Variants in PDSS2 observed in about 807,000 individuals in gnomAD.
PDSS2 encodes decaprenyl diphosphate synthase subunit 2.
In PDSS2, 31 loss-of-function variants were observed where a neutral mutation model predicts 44.5. The ratio of observed to expected loss-of-function variants is 0.70; its 90% CI spans 0.52 to 0.94. The LOEUF (loss-of-function observed/expected upper bound fraction) is 0.94. Ranked by LOEUF, PDSS2 falls within the 40% of genes least tolerant of loss-of-function variation. The pLI, the probability that PDSS2 is intolerant of heterozygous loss-of-function variation, is 0.00. For missense variants in PDSS2, 452 were observed against 482.2 expected (o/e 0.94, Z 0.59); for synonymous variants, 157 against 180.3 (o/e 0.87, Z 1.03).
intron 3 of PDSS2, among the ~76,000 whole-genome samples, chr6:107,273,228 C>G (rs1775663722): frequency 3.3e-5 from 5 of 152,116 alleles, no homozygotes. Context: ...AGGTGATCCA[C>G]CTGCCTCGGC....
chr6:107,411,277 G>A (rs1780484694), intron 1 of PDSS2, among the ~76,000 whole-genome samples: 1 of 152,206 alleles, frequency 6.6e-6, no homozygotes, highest in African/African-American at 2.4e-5. Context: ...TCTTGTAAGT[G>A]AGGTTGCTGG....
At chr6:107,447,022 T>C (rs535329476) in intron 1 of PDSS2, among the ~76,000 whole-genome samples, 96 of 152,078 alleles carry the variant, frequency 6.3e-4, no homozygotes, top group Non-Finnish European at 1.2e-3. Context: ...GGCAAGTCCC[T>C]TCTACCTATG....
chr6:107,351,828 A>G (rs1258575731), intron 1 of PDSS2, among the ~76,000 whole-genome samples: 1 of 152,172 alleles, frequency 6.6e-6, no homozygotes, highest in Non-Finnish European at 1.5e-5. Context: ...TTAACTAATC[A>G]TATAGTGAGA....
At chr6:107,332,165 C>T (rs765053283) in intron 2 of PDSS2, among the ~76,000 whole-genome samples, 17 of 150,516 alleles carry the variant, frequency 1.1e-4, no homozygotes, top group South Asian at 4.2e-4. Context: ...AATGCAATGG[C>T]GCAATCTTAG....
At chr6:107,231,575 T>A (rs913643323) in intron 4 of PDSS2, among the ~76,000 whole-genome samples, 4 of 152,214 alleles carry the variant, frequency 2.6e-5, no homozygotes, top group Non-Finnish European at 5.9e-5. Context: ...ATAATCTTTA[T>A]CAAAGATCTT....
chr6:107,394,345 A>C (rs1368685473), intron 1 of PDSS2, among the ~76,000 whole-genome samples: 1 of 152,202 alleles, frequency 6.6e-6, no homozygotes, highest in African/African-American at 2.4e-5. Flanking sequence ...GAAGCATAAC[A>C]CCAGCATCTG....
chr6:107,361,067 G>A (rs1034879043), intron 1 of PDSS2, among the ~76,000 whole-genome samples: 2 of 151,940 alleles, frequency 1.3e-5, no homozygotes, highest in African/African-American at 4.8e-5. Flanking sequence ...CATGATATAT[G>A]ATAAATACCC....
chr6:107,200,570 T>C (rs1422142808), intron 6 of PDSS2, among the ~76,000 whole-genome samples: 9 of 152,238 alleles, frequency 5.9e-5, no homozygotes, highest in Admixed American at 5.2e-4. Context: ...AGAACAACTA[T>C]GTAAACTCCA....
At chr6:107,458,472 C>T (rs1296758930) in intron 1 of PDSS2, among the ~76,000 whole-genome samples, 3 of 137,612 alleles carry the variant, frequency 2.2e-5, no homozygotes, top group Non-Finnish European at 4.6e-5. Flanking sequence ...AGCAGTAGTA[C>T]AGCATAAGTG....
At chr6:107,267,315 A>G (rs920848966) in intron 3 of PDSS2, among the ~76,000 whole-genome samples, 3 of 152,170 alleles carry the variant, frequency 2.0e-5, no homozygotes, top group African/African-American at 4.8e-5. Flanking sequence ...AGGTGTCCAG[A>G]CACTATGTCA....
rs765013424 is a variant in PDSS2, at chr6:107,402,533, TTATATA to T, written c.296+56451_296+56456del. ...ATACACACACATATATACATACATT[TTATATA>T]TATATATATATATAAAAATATATAT... On this transcript the variant is annotated intron_variant, in intron 1 of 7. Transcript: ENST00000369037. Among the ~76,000 whole-genome samples, 22 of 63,838 alleles carry T rather than the reference TTATATA, an allele frequency of 3.4e-4. No homozygotes were observed. In the Middle Eastern group the frequency reaches 0.044, roughly 127 times the overall value. 41.9% of individuals were successfully genotyped at this position (63,838 alleles called of 152,430 possible).
At chr6:107,314,251 G>A (rs1398589086) in intron 2 of PDSS2, among the ~76,000 whole-genome samples, 1 of 151,922 alleles carries the variant, frequency 6.6e-6, no homozygotes, top group Non-Finnish European at 1.5e-5. Flanking sequence ...TCACATGTTG[G>A]CCCTTATACT....
At chr6:107,200,096 A>C (rs1007602223) in intron 6 of PDSS2, among the ~76,000 whole-genome samples, 6 of 152,212 alleles carry the variant, frequency 3.9e-5, no homozygotes, top group African/African-American at 1.4e-4. Flanking sequence ...AAAAGACCTT[A>C]GAATGGAAGT....
intron 7 of PDSS2, among the ~76,000 whole-genome samples, chr6:107,181,305 C>T (rs886514138): frequency 4.6e-5 from 7 of 151,752 alleles, no homozygotes; most frequent in African/African-American, 1.7e-4. Context: ...GAGGCTGAGG[C>T]GGGTAATCAC....
chr6:107,449,071 C>A (rs1205339824), intron 1 of PDSS2, among the ~76,000 whole-genome samples: 4 of 152,094 alleles, frequency 2.6e-5, no homozygotes, highest in Non-Finnish European at 5.9e-5. Context: ...CAACTTTATC[C>A]CATGTATAGA....
intron 1 of PDSS2, among the ~76,000 whole-genome samples, chr6:107,378,942 GCT>G (rs964435359): frequency 2.0e-5 from 3 of 152,120 alleles, no homozygotes; most frequent in African/African-American, 7.2e-5. Context: ...CCATGATTTA[GCT>G]CTGCTGATGT....
chr6:107,307,914 T>C (rs1193186990), intron 2 of PDSS2, among the ~76,000 whole-genome samples: 3 of 152,194 alleles, frequency 2.0e-5, no homozygotes, highest in Non-Finnish European at 4.4e-5. Flanking sequence ...ATGAGTGTAT[T>C]TGTAAGTAAG....
At chr6:107,279,141 C>T (rs1020418829) in intron 2 of PDSS2, among the ~76,000 whole-genome samples, 4 of 152,084 alleles carry the variant, frequency 2.6e-5, no homozygotes, top group Non-Finnish European at 4.4e-5. Context: ...ATCGCTTCAA[C>T]CCGGGAGGCG....
At chr6:107,390,334 G>A (rs1384773980) in intron 1 of PDSS2, among the ~76,000 whole-genome samples, 1 of 151,922 alleles carries the variant, frequency 6.6e-6, no homozygotes, top group African/African-American at 2.4e-5. Context: ...TGAAAAGAAG[G>A]GCAATTCATC....
Sources: gnomAD v4.1 joint callset for allele counts (sites outside exome capture counted in the v4.1 genomes callset) on GRCh38, gnomAD v4.1.1 for gene constraint, MANE v1.5 for transcripts, NCBI Gene and HGNC (gene_info 2026-07-23, HGNC 2026-07-21) for gene names.